The following TENM1 variants were observed in gnomAD, a reference collection of about 807,000 sequenced individuals.
The protein encoded by TENM1 is teneurin-1.
Under a neutral mutation model 174.8 loss-of-function variants are expected in TENM1, and 35 were observed. The observed-to-expected ratio is 0.20, with a 90% CI of 0.15 to 0.27. TENM1 has a LOEUF of 0.27. Among genes scored for constraint, TENM1 ranks in the 10% least tolerant of loss-of-function variants. The pLI is 1.00. For missense variants in TENM1, 1,633 were observed against 2,130.1 expected, an observed-to-expected ratio of 0.77 and a Z score of 4.59; for synonymous variants, 781 against 798.7, an observed-to-expected ratio of 0.98 and a Z score of 0.37.
chrX:124,727,269 T>C (rs531476074), intron 4 of TENM1, among the ~76,000 whole-genome samples: 79 of 112,303 alleles, frequency 7.0e-4, no homozygotes, highest in African/African-American at 2.4e-3. Context: ...AGCAAAACCT[T>C]TGAGTAAGAT....
chrX:124,826,096 T>C lies in TENM1; in HGVS notation c.535+68200A>G, dbSNP rs2056154151. Among the ~76,000 whole-genome samples, 2 of 111,653 alleles carry C rather than the reference T, an allele frequency of 1.8e-5. 1 individual carries two copies. The highest frequency in any genetic ancestry group is 6.5e-5 in the African/African-American group (2 of 30,670). ...AATTTGAAATGTAGGCAAAGATACA[T>C]GCAAGAAGTGCTCAATGTAGAATTA... On this transcript the variant is annotated intron_variant, in intron 3 of 31. Coordinates refer to ENST00000422452, the Ensembl canonical transcript of TENM1.
chrX:125,049,990 A>C, the TENM1 span, among the ~76,000 whole-genome samples: 1 of 107,455 alleles, frequency 9.3e-6, no homozygotes, highest in East Asian at 2.9e-4. Context: ...TACCTTCTTT[A>C]TTTACTATTA....
At chrX:124,744,464 G>A (rs999522927) in intron 3 of TENM1, among the ~76,000 whole-genome samples, 2 of 111,724 alleles carry the variant, frequency 1.8e-5, no homozygotes, top group African/African-American at 6.5e-5. Flanking sequence ...ATTAGTGGTT[G>A]GCCAAAGCCT....
At chrX:125,097,411 A>T in the TENM1 span, among the ~76,000 whole-genome samples, 1 of 111,638 alleles carries the variant, frequency 9.0e-6, no homozygotes, top group Non-Finnish European at 1.9e-5. Context: ...TTTTCAACTG[A>T]GGTGCATGTG....
chrX:124,405,953 C>A (rs1458748536), intron 26 of TENM1, among the ~76,000 whole-genome samples: 1 of 104,327 alleles, frequency 9.6e-6, no homozygotes, highest in Non-Finnish European at 2.0e-5. Context: ...TTTTTCTTCA[C>A]CCATGTTGGC....
the TENM1 span, among the ~76,000 whole-genome samples, chrX:124,971,520 A>G: frequency 9.0e-6 from 1 of 111,697 alleles, no homozygotes; most frequent in African/African-American, 3.3e-5. Flanking sequence ...GCATTCCCCA[A>G]TTGTTGGCTA....
At chrX:125,052,089 A>G in the TENM1 span, among the ~76,000 whole-genome samples, 1 of 112,458 alleles carries the variant, frequency 8.9e-6, no homozygotes, top group African/African-American at 3.2e-5. Context: ...CAGATACATG[A>G]AAAAATGCTC....
intron 8 of TENM1, among the ~76,000 whole-genome samples, chrX:124,649,148 T>A (rs1437353594): frequency 8.9e-6 from 1 of 112,415 alleles, no homozygotes. Flanking sequence ...GACTTCTATC[T>A]TTTAAATCTT....
At chrX:125,095,482 A>G in the TENM1 span, among the ~76,000 whole-genome samples, 1 of 112,094 alleles carries the variant, frequency 8.9e-6, no homozygotes, top group African/African-American at 3.2e-5. Flanking sequence ...GCAGTTAGTT[A>G]TAGAAAAATT....
intron 23 of TENM1, among the ~76,000 whole-genome samples, chrX:124,428,603 A>G (rs917568121): frequency 8.9e-6 from 1 of 112,152 alleles, no homozygotes; most frequent in African/African-American, 3.2e-5. Flanking sequence ...TAACAAAACA[A>G]GGAGGCTAGT....
intron 18 of TENM1, among the ~76,000 whole-genome samples, chrX:124,520,281 G>C (rs1353196363): frequency 9.0e-6 from 1 of 111,684 alleles, no homozygotes; most frequent in African/African-American, 3.3e-5. Flanking sequence ...GTCAGATATT[G>C]CATGAGTCCA....
intron 3 of TENM1, among the ~76,000 whole-genome samples, chrX:124,772,145 T>C (rs181493108): frequency 3.1e-4 from 35 of 111,351 alleles, no homozygotes; most frequent in South Asian, 2.3e-3. Flanking sequence ...CTTTCTTTTT[T>C]TTTTTCTTGA....
intron 23 of TENM1, among the ~76,000 whole-genome samples, chrX:124,430,578 T>C (rs930460016): frequency 1.8e-5 from 2 of 112,343 alleles, no homozygotes; most frequent in African/African-American, 6.5e-5. Context: ...CTAGCTATTT[T>C]TGAAAATTAT....
chrX:124,411,387 G>C (rs1463774874), intron 25 of TENM1, among the ~76,000 whole-genome samples: 1 of 111,106 alleles, frequency 9.0e-6, no homozygotes, highest in African/African-American at 3.3e-5. Context: ...TCTGGTGAAG[G>C]AGGCAATGGT....
intron 4 of TENM1, among the ~76,000 whole-genome samples, chrX:124,719,484 C>G (rs1374831617): frequency 9.0e-6 from 1 of 111,563 alleles, no homozygotes; most frequent in Non-Finnish European, 1.9e-5. Context: ...ATTGAAACAA[C>G]ATTAACTCCT....
intron 16 of TENM1, 42 bp downstream of exon 19, chrX:124,529,822 A>G (rs1193250048): frequency 9.1e-6 from 11 of 1,207,955 alleles, no homozygotes; most frequent in Non-Finnish European, 1.2e-5. Flanking sequence ...GCTAGAAGTC[A>G]GTAATTGGCC....
intron 23 of TENM1, among the ~76,000 whole-genome samples, chrX:124,432,614 T>C (rs768929557): frequency 4.5e-5 from 5 of 111,497 alleles, no homozygotes; most frequent in East Asian, 5.6e-4. Context: ...TTAGTAGAGA[T>C]GGGGTTTCGC....
intron 1 of TENM1, among the ~76,000 whole-genome samples, chrX:124,960,813 T>G (rs746748787): frequency 8.9e-6 from 1 of 112,326 alleles, no homozygotes; most frequent in East Asian, 2.8e-4. Context: ...GATAAGTATT[T>G]TAATGAGAAC....
chrX:124,759,642 G>A (rs978893745), intron 3 of TENM1, among the ~76,000 whole-genome samples: 4 of 111,697 alleles, frequency 3.6e-5, no homozygotes, highest in African/African-American at 1.3e-4. Context: ...ACTGAATTGT[G>A]TACATATATA....
Sources: gnomAD v4.1 joint callset for allele counts (sites outside exome capture counted in the v4.1 genomes callset) on GRCh38, gnomAD v4.1.1 for gene constraint, MANE v1.5 for transcripts, NCBI Gene and HGNC (gene_info 2026-07-23, HGNC 2026-07-21) for gene names.